The following THSD7A variants were observed in gnomAD, a reference collection of about 807,000 sequenced individuals.
THSD7A encodes thrombospondin type-1 domain-containing protein 7A.
THSD7A carries 96 observed loss-of-function variants against 231.3 expected under a neutral mutation model. That is an observed-to-expected ratio of 0.41 (90% CI 0.35 to 0.49). The LOEUF (loss-of-function observed/expected upper bound fraction) is 0.49, where lower values mean the gene tolerates loss of function less well. Among genes scored for constraint, THSD7A ranks in the 20% least tolerant of loss-of-function variants. THSD7A has a pLI of 0.05. For missense variants in THSD7A, 2,290 were observed against 2,070.2 expected (o/e 1.11, Z -2.06); for synonymous variants, 940 against 743.3 (o/e 1.26, Z -4.30).
chr7:11,805,060 T>G (rs932624966), intron 1 of THSD7A, among the ~76,000 whole-genome samples: 1 of 152,112 alleles, frequency 6.6e-6, no homozygotes, highest in Non-Finnish European at 1.5e-5. Flanking sequence ...GCCGATATTG[T>G]AGTCATTATG....
rs1346667733 is a variant in THSD7A, at chr7:11,632,446, C to T, written c.1022+3684G>A. On this transcript the variant is annotated intron_variant, in intron 2 of 27. Transcript: ENST00000423059. This position sits in a 1 kb window ranked among gnomAD's most constrained non-coding sequence, Gnocchi z 4.1. Reference sequence around the variant, plus strand: ...TTTTGGATATTATATTTGTGTACATCAACCTTATTGATTTTTTTATTGTTT... The same window carrying T: ...TTTTGGATATTATATTTGTGTACATTAACCTTATTGATTTTTTTATTGTTT... 6.6e-6 allele frequency among the ~76,000 whole-genome samples: 1 copy of T among 152,070 alleles called. No individual in the cohort carries two copies. Among genetic ancestry groups the T allele is most frequent in the East Asian group, 1.9e-4 (1 of 5,194 alleles).
At chr7:11,798,949 A>G (rs1326702653) in intron 1 of THSD7A, among the ~76,000 whole-genome samples, 1 of 151,178 alleles carries the variant, frequency 6.6e-6, no homozygotes, top group African/African-American at 2.4e-5. Context: ...TTTGAGACAG[A>G]GTCTCACTCT....
At chr7:11,802,633 T>G (rs1054977846) in intron 1 of THSD7A, among the ~76,000 whole-genome samples, 25 of 152,328 alleles carry the variant, frequency 1.6e-4, no homozygotes, top group African/African-American at 6.0e-4. Flanking sequence ...CTAATCTGTG[T>G]GTTTTTAAGC....
chr7:11,615,909 T>C (rs1199115078), intron 2 of THSD7A, among the ~76,000 whole-genome samples: 2 of 152,194 alleles, frequency 1.3e-5, no homozygotes, highest in Non-Finnish European at 2.9e-5. Context: ...AATATTTATT[T>C]ATGTCTTCTA....
intron 7 of THSD7A, among the ~76,000 whole-genome samples, chr7:11,478,011 A>G (rs1786265349): frequency 6.6e-6 from 1 of 152,192 alleles, no homozygotes; most frequent in Non-Finnish European, 1.5e-5. Flanking sequence ...TGTACCACAG[A>G]GTGTACTAGT....
chr7:11,483,948 A>T (rs1203920875), intron 6 of THSD7A, among the ~76,000 whole-genome samples: 2 of 152,136 alleles, frequency 1.3e-5, no homozygotes, highest in Non-Finnish European at 2.9e-5. Flanking sequence ...GTTTGTTGTC[A>T]TGTAAACCAA....
intron 2 of THSD7A, among the ~76,000 whole-genome samples, chr7:11,630,048 T>G (rs537739570): frequency 9.2e-5 from 14 of 152,316 alleles, no homozygotes; most frequent in Admixed American, 6.5e-4. Context: ...ATTATTTATT[T>G]ATCCCAATTA....
intron 1 of THSD7A, among the ~76,000 whole-genome samples, chr7:11,722,321 T>C (rs1781384499): frequency 6.6e-6 from 1 of 151,944 alleles, no homozygotes; most frequent in South Asian, 2.1e-4. Context: ...AAGATGTAGG[T>C]GCAGTTTGCC....
At chr7:11,404,718 G>T (rs1045517478) in intron 22 of THSD7A, among the ~76,000 whole-genome samples, 5 of 152,154 alleles carry the variant, frequency 3.3e-5, no homozygotes, top group African/African-American at 1.2e-4. Flanking sequence ...CCTGGCTTTA[G>T]AAAGTCAGAT....
chr7:11,791,232 A>G (rs1783943911), intron 1 of THSD7A, among the ~76,000 whole-genome samples: 1 of 152,024 alleles, frequency 6.6e-6, no homozygotes, highest in South Asian at 2.1e-4. Context: ...AATCCTGAAG[A>G]CAACACATTT....
chr7:11,476,269 T>C (rs960094175), intron 7 of THSD7A, among the ~76,000 whole-genome samples: 7 of 150,590 alleles, frequency 4.6e-5, no homozygotes, highest in African/African-American at 1.7e-4. Context: ...GGCAAGAATA[T>C]TAAAAAGTGA....
intron 2 of THSD7A, among the ~76,000 whole-genome samples, chr7:11,601,519 T>C (rs1490030117): frequency 1.3e-5 from 2 of 152,208 alleles, no homozygotes; most frequent in East Asian, 3.8e-4. Context: ...GTAGGATCAC[T>C]TCAAGAGATG....
rs1309507666 is a variant in THSD7A at position 11,372,731 on chromosome 7, TA to T, written c.*3062del. 1.3e-5 allele frequency: 2 copies of T among 152,016 alleles called. No homozygotes were observed. Among genetic ancestry groups the T allele is most frequent in the Non-Finnish European group, 2.9e-5 (2 of 67,978 alleles). 9.4% of individuals were successfully genotyped at this position (152,016 alleles called of 1,614,324 possible). A position where few individuals can be genotyped will look rare whatever the true frequency, so the allele number is the denominator to read the frequency against. On this transcript the variant is annotated 3_prime_UTR_variant, in exon 28 of 28. Transcript: ENST00000423059. ...TACATCTTTTACCCCCTCGGTGAGG[TA>T]AAAGTGTCAATAGAGAAGTTACTAC...
chr7:11,547,326 TA>T (rs1393119354), intron 4 of THSD7A, among the ~76,000 whole-genome samples: 2 of 152,130 alleles, frequency 1.3e-5, no homozygotes, highest in Non-Finnish European at 2.9e-5. Context: ...ATAAATAGGC[TA>T]AACACTCCAC....
chr7:11,573,284 C>G (rs1790728573), intron 4 of THSD7A, among the ~76,000 whole-genome samples: 1 of 152,208 alleles, frequency 6.6e-6, no homozygotes, highest in South Asian at 2.1e-4. Flanking sequence ...AAACTCTGGC[C>G]AAGGATTCAT....
intron 4 of THSD7A, among the ~76,000 whole-genome samples, chr7:11,577,183 T>A (rs1373842289): frequency 6.6e-6 from 1 of 152,240 alleles, no homozygotes; most frequent in African/African-American, 2.4e-5. Flanking sequence ...GCTTTCCTAG[T>A]TAAAAACATA....
chr7:11,520,976 G>T (rs1307048006), intron 6 of THSD7A, among the ~76,000 whole-genome samples: 2 of 152,148 alleles, frequency 1.3e-5, no homozygotes, highest in South Asian at 2.1e-4. Context: ...AGGTCTTATA[G>T]GAAATCAGAA....
intron 6 of THSD7A, among the ~76,000 whole-genome samples, chr7:11,490,499 G>A (rs1462713459): frequency 6.6e-6 from 1 of 152,094 alleles, no homozygotes; most frequent in Non-Finnish European, 1.5e-5. Context: ...GCTTTGACAT[G>A]AGACTCATGA....
At chr7:11,824,681 A>G (rs1477067878) in intron 1 of THSD7A, among the ~76,000 whole-genome samples, 2 of 152,160 alleles carry the variant, frequency 1.3e-5, no homozygotes, top group African/African-American at 4.8e-5. Flanking sequence ...GTTTTAATGA[A>G]TTCTGAGCAC....
Sources: allele counts gnomAD v4.1 joint callset (sites outside exome capture counted in the v4.1 genomes callset), GRCh38; gene constraint gnomAD v4.1.1; non-coding constraint Gnocchi (gnomAD v3.1); transcripts MANE v1.5; gene names NCBI Gene and HGNC (gene_info 2026-07-23, HGNC 2026-07-21).